PPCDC: variants seen among roughly 807,000 people sequenced by gnomAD.
The protein encoded by PPCDC is phosphopantothenoylcysteine decarboxylase.
PPCDC carries 20 observed loss-of-function variants against 20.7 expected under a neutral mutation model. That is an observed-to-expected ratio of 0.97 (90% confidence interval 0.68 to 1.41). The LOEUF is 1.41. Among genes scored for constraint, PPCDC ranks in the 40% most tolerant of loss-of-function variants. PPCDC has a pLI of 0.00. For synonymous variants in PPCDC, 88 were observed against 100.3 expected, an observed-to-expected ratio of 0.88 and a Z score of 0.73; for missense variants, 246 against 263.8, an observed-to-expected ratio of 0.93 and a Z score of 0.47.
chr15:75,049,044 C>T (rs960506885), intron 5 of PPCDC, 106 bp from the exon 6 acceptor site: 1 of 1,106,374 alleles, frequency 9.0e-7, no homozygotes, highest in Non-Finnish European at 1.4e-6. Context: ...AGACCTTGCC[C>T]TCTCAGGCCT....
intron 2 of PPCDC, among the ~76,000 whole-genome samples, chr15:75,040,787 A>G (rs2066143975): frequency 1.3e-5 from 2 of 151,968 alleles, no homozygotes; most frequent in Admixed American, 1.3e-4. Context: ...CAGCTTCCCG[A>G]ATATAGCTGG....
chr15:75,049,622 T>C lies in PPCDC; in HGVS notation c.*387T>C, dbSNP rs1259652087. The C allele has an allele frequency of 5.5e-6, 1 of 180,364 alleles. No individual in the cohort carries two copies. Among genetic ancestry groups the C allele is most frequent in the African/African-American group, 2.4e-5 (1 of 42,244 alleles). The allele number at this position is 180,364 out of a possible 1,614,324, so 11.2% of individuals were successfully genotyped here. A position where few individuals can be genotyped will look rare whatever the true frequency, so the allele number is the denominator to read the frequency against. On this transcript the variant is annotated 3_prime_UTR_variant, in exon 6 of 6. Coordinates refer to ENST00000342932, the MANE Select transcript of PPCDC (RefSeq NM_021823.5). ...CTGAGCCTTGGGAGTTTCAGCTCTT[T>C]GGCGGGGTGCCCAGGTGCCATGCGA...
intron 2 of PPCDC, among the ~76,000 whole-genome samples, chr15:75,038,009 A>G (rs1349072019): frequency 6.6e-6 from 1 of 152,194 alleles, no homozygotes; most frequent in African/African-American, 2.4e-5. Context: ...ACAAATTGCT[A>G]CAGATGAGGC....
chr15:75,029,356 T>C (rs993924738), intron 2 of PPCDC, among the ~76,000 whole-genome samples: 13 of 152,064 alleles, frequency 8.5e-5, no homozygotes, highest in African/African-American at 3.1e-4. Context: ...TGGCCCCTAG[T>C]TTTTGGTGGG....
chr15:75,039,506 A>T (rs529537933), intron 2 of PPCDC, among the ~76,000 whole-genome samples: 1 of 152,300 alleles, frequency 6.6e-6, no homozygotes, highest in Non-Finnish European at 1.5e-5. Context: ...TGTTCCTTCT[A>T]CAGGTCAGGA....
Position 75,028,305 on chromosome 15 carries a change from C to A in PPCDC, c.-14C>A, listed in dbSNP as rs2065980840. 1 of 1,611,928 alleles carries A rather than the reference C, an allele frequency of 6.2e-7. No homozygotes were observed. The highest frequency in any genetic ancestry group is 8.5e-7 in the Non-Finnish European group (1 of 1,179,380). ...CCTGGCAGGCTCCCAGAACTTGAAG[C>A]CACCAGACCCCACATGGAACCAAAG... On this transcript the variant is annotated 5_prime_UTR_variant, in exon 2 of 6. Transcript: ENST00000342932.
At chr15:75,040,020 G>A (rs1256209233) in intron 2 of PPCDC, among the ~76,000 whole-genome samples, 1 of 152,108 alleles carries the variant, frequency 6.6e-6, no homozygotes, top group Non-Finnish European at 1.5e-5. Context: ...CCCACCTCAG[G>A]TGATCTGCCC....
chr15:75,028,787 A>G (rs2065987739), intron 2 of PPCDC, among the ~76,000 whole-genome samples: 2 of 152,098 alleles, frequency 1.3e-5, no homozygotes, highest in African/African-American at 4.8e-5. Context: ...AAGTGCAGCA[A>G]GTTCTCAGTA....
intron 1 of PPCDC, 27 bp from the exon 2 acceptor site, chr15:75,028,220 A>AG: frequency 3.4e-6 from 5 of 1,476,152 alleles, no homozygotes; most frequent in Non-Finnish European, 4.6e-6. Context: ...GTATGAATGA[A>AG]GGGGGTGGCC....
intron 3 of PPCDC, 52 bp from the exon 4 acceptor site, chr15:75,044,334 G>T: frequency 6.2e-7 from 1 of 1,603,456 alleles, no homozygotes; most frequent in South Asian, 1.1e-5. Context: ...GGCCTGCCTT[G>T]GCGCTGCATC....
intron 2 of PPCDC, among the ~76,000 whole-genome samples, chr15:75,037,616 G>T (rs543319797): frequency 6.6e-6 from 1 of 152,054 alleles, no homozygotes; most frequent in Middle Eastern, 3.2e-3. Context: ...GCATGGTGGC[G>T]CATGCCTGTA....
intron 2 of PPCDC, among the ~76,000 whole-genome samples, chr15:75,035,007 A>G (rs903284214): frequency 6.6e-6 from 1 of 151,774 alleles, no homozygotes; most frequent in Non-Finnish European, 1.5e-5. Context: ...CGCTTGCCAC[A>G]TTCAAATTTA....
At chr15:75,041,228 C>T (rs754417040) in intron 2 of PPCDC, among the ~76,000 whole-genome samples, 2 of 152,166 alleles carry the variant, frequency 1.3e-5, no homozygotes, top group African/African-American at 4.8e-5. Flanking sequence ...GACTGGGTTC[C>T]GGGGAGGGAT....
chr15:75,025,452 G>A (rs2065949491), intron 1 of PPCDC, among the ~76,000 whole-genome samples: 1 of 152,174 alleles, frequency 6.6e-6, no homozygotes, highest in Non-Finnish European at 1.5e-5. Context: ...GGACTGGCAG[G>A]TATCCCTGAA....
At chr15:75,035,699 G>A (rs2066076313) in intron 2 of PPCDC, among the ~76,000 whole-genome samples, 1 of 152,188 alleles carries the variant, frequency 6.6e-6, no homozygotes, top group African/African-American at 2.4e-5. Flanking sequence ...GAGCGTGGTG[G>A]TTCACACCTG....
At chr15:75,035,344 A>G (rs1167363266) in intron 2 of PPCDC, among the ~76,000 whole-genome samples, 1 of 152,108 alleles carries the variant, frequency 6.6e-6, no homozygotes, top group Non-Finnish European at 1.5e-5. Flanking sequence ...GACTCAGGCC[A>G]TGGGATTTGT....
At position 75,049,251 on chromosome 15, in the gene PPCDC, A is replaced by T; in HGVS notation, c.*16A>T. On this transcript the variant is annotated 3_prime_UTR_variant, in exon 6 of 6. Transcript: ENST00000342932. ...GCAGAGTTGACCTGGGATTTCTGTC[A>T]TGGGTGTCCCTCTGTACTCAGAATG... 1 of 1,610,326 alleles carries T rather than the reference A, an allele frequency of 6.2e-7. No homozygotes were observed. The highest frequency in any genetic ancestry group is 8.5e-7 in the Non-Finnish European group (1 of 1,176,544).
Position 75,048,546 on chromosome 15 carries a change from T to C in PPCDC, c.361-7T>C, listed in dbSNP as rs762273088. ...CAAGACCCCCACTTCCCTGGCCTTCTTCACAGACCTGCGTCATGCGGGCCT... is the reference window on the plus strand; with the variant it reads ...CAAGACCCCCACTTCCCTGGCCTTCCTCACAGACCTGCGTCATGCGGGCCT... On this transcript the variant is annotated splice_region_variant and splice_polypyrimidine_tract_variant and intron_variant, in intron 4 of 5. Transcript: ENST00000342932. 1.9e-6 allele frequency: 3 copies of C among 1,612,894 alleles called. No individual in the cohort carries two copies. Among genetic ancestry groups the C allele is most frequent in the East Asian group, 4.5e-5 (2 of 44,888 alleles).
chr15:75,026,937 C>T (rs1464717555), intron 1 of PPCDC, among the ~76,000 whole-genome samples: 1 of 152,080 alleles, frequency 6.6e-6, no homozygotes, highest in Non-Finnish European at 1.5e-5. Context: ...ATGGTCAGGG[C>T]CCAGGGCTTC....
Sources: gnomAD v4.1 joint callset for allele counts (sites outside exome capture counted in the v4.1 genomes callset) on GRCh38, gnomAD v4.1.1 for gene constraint, MANE v1.5 for transcripts, NCBI Gene and HGNC (gene_info 2026-07-23, HGNC 2026-07-21) for gene names.